The following PTPRO variants were observed in gnomAD, a reference collection of about 807,000 sequenced individuals.
PTPRO encodes the protein receptor-type tyrosine-protein phosphatase O.
In PTPRO, 62 loss-of-function variants were observed where a neutral mutation model predicts 145.2. The ratio of observed to expected loss-of-function variants is 0.43; its 90% CI spans 0.35 to 0.53. PTPRO has a LOEUF of 0.53. Ranked by LOEUF, PTPRO falls within the 20% of genes least tolerant of loss-of-function variation. The pLI is 0.01. For missense variants in PTPRO, 1,345 were observed against 1,482.7 expected, an observed-to-expected ratio of 0.91 and a Z score of 1.53; for synonymous variants, 565 against 514.7, an observed-to-expected ratio of 1.10 and a Z score of -1.32.
intron 24 of PTPRO, among the ~76,000 whole-genome samples, chr12:15,588,136 CA>C (rs1176987478): frequency 1.3e-5 from 2 of 152,166 alleles, no homozygotes; most frequent in Middle Eastern, 3.2e-3. Flanking sequence ...TGAAGCTCTT[CA>C]ACTCTGGGGT....
chr12:15,525,877 T>A (rs1324099854), intron 11 of PTPRO, among the ~76,000 whole-genome samples: 2 of 152,224 alleles, frequency 1.3e-5, no homozygotes, highest in African/African-American at 4.8e-5. Context: ...TGAGAAAATG[T>A]CAGAATGAGA....
At chr12:15,432,068 G>T (rs1408091896) in intron 1 of PTPRO, among the ~76,000 whole-genome samples, 1 of 151,978 alleles carries the variant, frequency 6.6e-6, no homozygotes, top group East Asian at 1.9e-4. Flanking sequence ...CATGTCATGG[G>T]GGTTTATTGT....
In PTPRO at chr12:15,526,186, C is replaced by A. The variant is rs6488782; in HGVS notation, c.2088C>A (p.Gly696=). ...CTGCAATTCTCAGCTTGCCTCCAGG[C>A]GACATCTATAACCTCTCAGTAACTG... ...VMTAILSLPP[G]DIYNLSVTAC... Residue 696 remains glycine (G), a synonymous_variant, in exon 12 of 27, where the codon GGC becomes GGA. Coordinates refer to ENST00000281171, the MANE Select transcript of PTPRO (RefSeq NM_030667.3). 638,194 of 1,612,970 alleles carry A rather than the reference C, an allele frequency of 0.4. 129,794 individuals carry two copies. The highest frequency in any genetic ancestry group is 0.55 in the African/African-American group (41,011 of 74,846).
intron 1 of PTPRO, among the ~76,000 whole-genome samples, chr12:15,438,856 A>G (rs1565629817): frequency 6.6e-6 from 1 of 152,172 alleles, no homozygotes; most frequent in Non-Finnish European, 1.5e-5. Flanking sequence ...CATTCAGAGA[A>G]TACCTGTGAG....
chr12:15,352,770 G>A (rs1250872091), intron 1 of PTPRO, among the ~76,000 whole-genome samples: 1 of 152,060 alleles, frequency 6.6e-6, no homozygotes, highest in Non-Finnish European at 1.5e-5. Context: ...CTAAAATTAG[G>A]AGAATGTGAT....
At chr12:15,539,293 TC>T (rs1943129688) in intron 12 of PTPRO, among the ~76,000 whole-genome samples, 1 of 152,124 alleles carries the variant, frequency 6.6e-6, no homozygotes, top group African/African-American at 2.4e-5. Flanking sequence ...TACACTAGTA[TC>T]CCATAAACAT....
chr12:15,501,721 T>C lies in PTPRO; in HGVS notation c.763T>C (p.Ser255Pro). The stretch of plus-strand genomic sequence containing the variant: ...TTTCCCAGAAGAATCCTTCATGAGA[T>C]CACAAGATACAATAGGAAAAGAAAA... ...GNFPEESFMR[S>P]QDTIGKEKLF... Residue 255 changes from serine to proline, a missense_variant, in exon 5 of 27, where the codon TCA becomes CCA. Coordinates refer to ENST00000281171, the MANE Select transcript of PTPRO (RefSeq NM_030667.3). 1 of 1,613,834 alleles carries C rather than the reference T, an allele frequency of 6.2e-7. No individual in the cohort carries two copies. The highest frequency in any genetic ancestry group is 8.5e-7 in the Non-Finnish European group (1 of 1,179,862).
intron 1 of PTPRO, among the ~76,000 whole-genome samples, chr12:15,448,542 G>A (rs1394219386): frequency 6.6e-6 from 1 of 152,060 alleles, no homozygotes; most frequent in Non-Finnish European, 1.5e-5. Flanking sequence ...GCACAAGGTT[G>A]TGGAGAAAAG....
intron 3 of PTPRO, 26 bp from the exon 4 acceptor site, chr12:15,499,416 T>G (rs748127209): frequency 2.6e-5 from 41 of 1,604,864 alleles, no homozygotes; most frequent in Admixed American, 3.3e-5. Context: ...ACCATATTTT[T>G]CATGTAATTG....
chr12:15,353,461 A>G lies in PTPRO; in HGVS notation c.75+30660A>G, dbSNP rs1937878865. Among the ~76,000 whole-genome samples the G allele has an allele frequency of 2.0e-5, 3 of 152,196 alleles. No individual in the cohort carries two copies. The South Asian group carries it at 6.2e-4, about 32-fold the overall frequency. On this transcript the variant is annotated intron_variant, in intron 1 of 26. Coordinates refer to ENST00000281171, the MANE Select transcript of PTPRO (RefSeq NM_030667.3). ...GTGAGGAACAATGGATACCCTTTAC[A>G]GATTTTTTTAACATTCAGAAACAAA...
At chr12:15,593,346 T>G (rs1944592567) in intron 25 of PTPRO, among the ~76,000 whole-genome samples, 1 of 152,222 alleles carries the variant, frequency 6.6e-6, no homozygotes, top group South Asian at 2.1e-4. Flanking sequence ...TAAATGTTAT[T>G]TCTAGTGCTA....
chr12:15,509,288 T>C (rs553005937), intron 7 of PTPRO, among the ~76,000 whole-genome samples: 150 of 152,136 alleles, frequency 9.9e-4, no homozygotes, highest in African/African-American at 3.2e-3. Flanking sequence ...AGCAGAGGGT[T>C]GGAGGGTTTT....
intron 1 of PTPRO, among the ~76,000 whole-genome samples, chr12:15,343,931 G>A (rs1053150719): frequency 2.0e-5 from 3 of 152,108 alleles, no homozygotes; most frequent in Non-Finnish European, 2.9e-5. Flanking sequence ...TGATCCGCCC[G>A]CCTCGGCCTC....
intron 6 of PTPRO, among the ~76,000 whole-genome samples, chr12:15,506,968 C>T (rs1231307148): frequency 6.6e-6 from 1 of 152,156 alleles, no homozygotes; most frequent in East Asian, 1.9e-4. Flanking sequence ...TTTCATAGTG[C>T]TCCAGGAAGT....
intron 25 of PTPRO, among the ~76,000 whole-genome samples, chr12:15,590,272 A>C (rs1348262467): frequency 6.6e-6 from 1 of 152,190 alleles, no homozygotes. Flanking sequence ...CAACGCCGGC[A>C]GACAGCACCG....
intron 1 of PTPRO, among the ~76,000 whole-genome samples, chr12:15,374,481 C>A (rs754351820): frequency 4.6e-5 from 7 of 152,030 alleles, no homozygotes; most frequent in Non-Finnish European, 1.0e-4. Flanking sequence ...AAACCCTTGC[C>A]CCTCTCCCCA....
chr12:15,515,650 C>A, intron 8 of PTPRO, 32 bp downstream of exon 8: 2 of 1,613,314 alleles, frequency 1.2e-6, no homozygotes, highest in Non-Finnish European at 8.5e-7. Flanking sequence ...GAATGACTGA[C>A]CTATATATTA....
intron 1 of PTPRO, among the ~76,000 whole-genome samples, chr12:15,455,766 C>T (rs1332603263): frequency 2.0e-5 from 3 of 152,122 alleles, no homozygotes; most frequent in East Asian, 1.9e-4. Context: ...GTGGAAACTT[C>T]AGGGTTTTCT....
At chr12:15,462,340 G>A (rs1264618001) in intron 1 of PTPRO, among the ~76,000 whole-genome samples, 1 of 151,960 alleles carries the variant, frequency 6.6e-6, no homozygotes, top group Non-Finnish European at 1.5e-5. Flanking sequence ...TGGCCAGGCT[G>A]GTCTCAAACT....
Sources: allele counts gnomAD v4.1 joint callset (sites outside exome capture counted in the v4.1 genomes callset), GRCh38; gene constraint gnomAD v4.1.1; transcripts MANE v1.5; gene names NCBI Gene and HGNC (gene_info 2026-07-23, HGNC 2026-07-21).